Variants in KIF1A observed in about 807,000 individuals in gnomAD.
KIF1A encodes kinesin-like protein KIF1A.
In KIF1A, 46 loss-of-function variants were observed where a neutral mutation model predicts 227.3. That is an observed-to-expected ratio of 0.20 (90% confidence interval 0.16 to 0.26). The LOEUF (loss-of-function observed/expected upper bound fraction) is 0.26. KIF1A is among the 10% of genes least tolerant of loss of function. KIF1A has a pLI of 1.00. For missense variants in KIF1A, 1,683 were observed against 2,485.9 expected, an observed-to-expected ratio of 0.68 and a Z score of 6.87; for synonymous variants, 1,022 against 1,012.8, an observed-to-expected ratio of 1.01 and a Z score of -0.17.
At position 240,742,969 on chromosome 2, in the gene KIF1A, C is replaced by T. The variant is rs762545111; in HGVS notation, c.3600G>A (p.Ser1200=). ...CKDVLSPLRP[S]RRHFPRVMPL... The stretch of plus-strand genomic sequence containing the variant: ...GCATGACCCGAGGGAAGTGGCGGCG[C>T]GAGGGCCTCAGGGGGCTGTGGAGAA... The change falls in exon 34 of 49, where the codon TCG becomes TCA. Residue 1200 remains serine (S), a synonymous_variant. Transcript: ENST00000498729. 15 of 1,610,878 alleles carry T rather than the reference C, an allele frequency of 9.3e-6. No individual in the cohort carries two copies. Among genetic ancestry groups the T allele is most frequent in the Admixed American group, 6.7e-5 (4 of 59,818 alleles).
chr2:240,797,611 A>G, intron 2 of KIF1A, 36 bp downstream of exon 2: 1 of 1,493,510 alleles, frequency 6.7e-7, no homozygotes, highest in Non-Finnish European at 9.3e-7. Flanking sequence ...CCAGCAACCC[A>G]TGGCCGACCC....
chr2:240,804,003 C>T (rs1339651088), intron 1 of KIF1A, among the ~76,000 whole-genome samples: 2 of 152,178 alleles, frequency 1.3e-5, no homozygotes, highest in Admixed American at 6.5e-5. Flanking sequence ...CGTGGTAGCT[C>T]ATGCCTGTAA....
intron 10 of KIF1A, among the ~76,000 whole-genome samples, chr2:240,780,548 G>A (rs1447322337): frequency 1.3e-5 from 2 of 151,882 alleles, no homozygotes; most frequent in African/African-American, 4.8e-5. Context: ...GCTCTGCACG[G>A]TTCCCTCACA....
chr2:240,759,116 T>C (rs2125879963), intron 25 of KIF1A, among the ~76,000 whole-genome samples: 1 of 151,810 alleles, frequency 6.6e-6, no homozygotes, highest in East Asian at 1.9e-4. Context: ...ATGCTGTGTA[T>C]ATGTGCACAT....
At chr2:240,803,533 CT>C (rs1214534850) in intron 1 of KIF1A, among the ~76,000 whole-genome samples, 1 of 152,134 alleles carries the variant, frequency 6.6e-6, no homozygotes, top group East Asian at 1.9e-4. Flanking sequence ...GCGTTTAGGT[CT>C]TTTTTTGGTT....
At chr2:240,718,985 C>T (rs753907403) in intron 47 of KIF1A, 21 bp downstream of exon 47, 1 of 1,588,802 alleles carries the variant, frequency 6.3e-7, no homozygotes, top group Non-Finnish European at 8.6e-7. Context: ...GTGCCCGAGC[C>T]TGAGCCGGGC....
In KIF1A at chr2:240,743,972, G is replaced by A. The variant is rs1316844536; in HGVS notation, c.3554C>T (p.Pro1185Leu). 38 of 1,613,390 alleles carry A rather than the reference G, an allele frequency of 2.4e-5. No homozygotes were observed. Among genetic ancestry groups the A allele is most frequent in the South Asian group, 3.3e-5 (3 of 91,068 alleles). ...FEVFGHYQQH[P>L]FPPLCKDVLS... The stretch of plus-strand genomic sequence containing the variant: ...CACGTCCTTGCAGAGGGGCGGGAAC[G>A]GGTGCTGCTGGTAGTGGCCAAAGAC... Residue 1185 changes from proline (P) to leucine (L), a missense_variant, in exon 33 of 49, where the codon CCG becomes CTG. By Grantham distance (98) the Pro-to-Leu change is moderately conservative. This residue lies in a region of KIF1A where 759 missense variants were observed against 1,020.2 expected (regional missense o/e 0.74). Coordinates refer to ENST00000498729, the MANE Select transcript of KIF1A (RefSeq NM_001244008.2).
rs2055204627 is a variant in KIF1A at position 240,788,281 on chromosome 2, C to T, written c.184-51G>A. 3 of 1,568,224 alleles carry T rather than the reference C, an allele frequency of 1.9e-6. No individual in the cohort carries two copies. Among genetic ancestry groups the T allele is most frequent in the African/African-American group, 1.4e-5 (1 of 74,008 alleles). On this transcript the variant is annotated intron_variant, in intron 3 of 48. Coordinates refer to ENST00000498729, the MANE Select transcript of KIF1A (RefSeq NM_001244008.2). This position sits in a 1 kb window ranked among gnomAD's most constrained non-coding sequence, Gnocchi z 6.6. ...TGCAGGAGGCTGGGTGCATCCGAGG[C>T]TCAGCCCATCATGTCTGCGGAGCCA...
At chr2:240,769,061 TCTAC>T (rs1394470440) in intron 17 of KIF1A, 68 bp downstream of exon 17, 17 of 1,377,352 alleles carry the variant, frequency 1.2e-5, no homozygotes, top group Non-Finnish European at 1.6e-5. Flanking sequence ...CCCCTCTGGC[TCTAC>T]CTGAGACAGC....
At chr2:240,759,956 C>CAGCG (rs1224459424) in intron 25 of KIF1A, among the ~76,000 whole-genome samples, 1 of 151,578 alleles carries the variant, frequency 6.6e-6, no homozygotes. Flanking sequence ...GTTTGAGCTG[C>CAGCG]AGCGAGCCAT....
At chr2:240,759,014 A>T (rs1418812548) in intron 25 of KIF1A, among the ~76,000 whole-genome samples, 1 of 152,190 alleles carries the variant, frequency 6.6e-6, no homozygotes, top group Non-Finnish European at 1.5e-5. Flanking sequence ...CAGGTATAAG[A>T]GAAACCACAT....
chr2:240,779,520 T>A (rs556755093), intron 10 of KIF1A, among the ~76,000 whole-genome samples: 2 of 148,396 alleles, frequency 1.3e-5, no homozygotes, highest in South Asian at 4.3e-4. Context: ...ACTCAGTTCC[T>A]CACAGTTCCA....
rs1454271542 is a variant in KIF1A at position 240,766,749 on chromosome 2, T to TCTCTCTCTCACA, written c.1684+165_1684+166insTGTGAGAGAGAG. On this transcript the variant is annotated intron_variant, in intron 19 of 48. Transcript: ENST00000498729. This position sits in a 1 kb window ranked among gnomAD's most constrained non-coding sequence, Gnocchi z 5.0. The stretch of plus-strand genomic sequence containing the variant: ...CTCTCTCTCTCTCTCTCTCTCTCTC[T>TCTCTCTCTCACA]CACACACACACACACACACACACAC... Among the ~76,000 whole-genome samples, 198 of 109,006 alleles carry TCTCTCTCTCACA rather than the reference T, an allele frequency of 1.8e-3. No homozygotes were observed. Among genetic ancestry groups the TCTCTCTCTCACA allele is most frequent in the African/African-American group, 6.8e-3 (164 of 24,154 alleles). 71.5% of individuals were successfully genotyped at this position (109,006 alleles called of 152,430 possible). A position where few individuals can be genotyped will look rare whatever the true frequency, so the allele number is the denominator to read the frequency against.
In KIF1A at chr2:240,740,177, G is replaced by T. The variant is rs375177889; in HGVS notation, c.3817-35C>A. 3 of 1,581,358 alleles carry T rather than the reference G, an allele frequency of 1.9e-6. No homozygotes were observed. The highest frequency in any genetic ancestry group is 2.6e-6 in the Non-Finnish European group (3 of 1,160,388). On this transcript the variant is annotated intron_variant, in intron 36 of 48. Coordinates refer to ENST00000498729, the MANE Select transcript of KIF1A (RefSeq NM_001244008.2). The surrounding 1 kb of genome is among the most constrained non-coding windows in gnomAD (Gnocchi z 6.1). ...CCAGGTGAGAGGATATGGTCAGACG[G>T]CTCAGGGGGCTACGTAGGGTGAGGG...
intron 1 of KIF1A, among the ~76,000 whole-genome samples, chr2:240,812,982 G>GCCTTCACCTCAAGGATCCA (rs1575678137): frequency 5.2e-4 from 79 of 150,820 alleles, no homozygotes; most frequent in South Asian, 8.4e-4. Flanking sequence ...TCGGGGATCC[G>GCCTTCACCTCAAGGATCCA]CCTTCACCTC....
At chr2:240,802,098 A>G (rs77589509) in intron 1 of KIF1A, among the ~76,000 whole-genome samples, 1 of 58,634 alleles carries the variant, frequency 1.7e-5, no homozygotes, top group Non-Finnish European at 3.2e-5. Context: ...GTCAGCCAGA[A>G]AAAAAAAAAA....
chr2:240,778,634 C>T lies in KIF1A; in HGVS notation c.883-2708G>A, dbSNP rs1231656384. Among the ~76,000 whole-genome samples, 2 of 151,820 alleles carry T rather than the reference C, an allele frequency of 1.3e-5. No individual in the cohort carries two copies. The highest frequency in any genetic ancestry group is 4.8e-5 in the African/African-American group (2 of 41,268). ...CCCCCGTCCCCACACAGCTCCCCAC[C>T]CCCTTCCACACACTTCCTCCCGGTT... On this transcript the variant is annotated intron_variant, in intron 10 of 48. Coordinates refer to ENST00000498729, the MANE Select transcript of KIF1A (RefSeq NM_001244008.2). The surrounding 1 kb of genome is among the most constrained non-coding windows in gnomAD (Gnocchi z 7.2).
Position 240,736,337 on chromosome 2 carries a change from G to A in KIF1A, c.4007+726C>T, listed in dbSNP as rs957912141. Among the ~76,000 whole-genome samples, 1 of 151,918 alleles carries A rather than the reference G, an allele frequency of 6.6e-6. No individual in the cohort carries two copies. The highest frequency in any genetic ancestry group is 1.5e-5 in the Non-Finnish European group (1 of 67,976). Reference sequence around the variant, plus strand: ...GCCAGGACTGGACACTGGAGCCCCCGCCTCACTTTCCCCAAGCCCCTGGAA... The same window carrying A: ...GCCAGGACTGGACACTGGAGCCCCCACCTCACTTTCCCCAAGCCCCTGGAA... On this transcript the variant is annotated intron_variant, in intron 38 of 48. Coordinates refer to ENST00000498729, the MANE Select transcript of KIF1A (RefSeq NM_001244008.2). The surrounding 1 kb of genome is among the most constrained non-coding windows in gnomAD (Gnocchi z 4.7).
At chr2:240,791,672 AC>A (rs1352268403) in intron 2 of KIF1A, among the ~76,000 whole-genome samples, 1 of 150,340 alleles carries the variant, frequency 6.7e-6, no homozygotes, top group Admixed American at 6.6e-5. Context: ...CTGATGCCAC[AC>A]CCCACATGGG....
Sources: gnomAD v4.1 joint callset for allele counts (sites outside exome capture counted in the v4.1 genomes callset) on GRCh38, gnomAD v4.1.1 for gene constraint, gnomAD v4.1.1 regional missense constraint, Gnocchi (gnomAD v3.1) non-coding constraint, MANE v1.5 for transcripts, NCBI Gene and HGNC (gene_info 2026-07-23, HGNC 2026-07-21) for gene names.